NKAIN2: variants seen among roughly 807,000 people sequenced by gnomAD.
NKAIN2 encodes the protein sodium/potassium transporting ATPase interacting 2.
A neutral mutation model predicts 32.6 loss-of-function variants in NKAIN2; 14 were observed. The observed-to-expected ratio is 0.43, with a 90% CI of 0.28 to 0.67. NKAIN2 has a LOEUF of 0.67. NKAIN2 is among the 30% of genes least tolerant of loss of function. The pLI is 0.17. For synonymous variants in NKAIN2, 80 were observed against 87.2 expected (o/e 0.92, Z 0.46); for missense variants, 198 against 258.3 (o/e 0.77, Z 1.60).
chr6:124,192,741 GTTTTTTTTTTTTTTTT>G (rs1205303294), intron 1 of NKAIN2, among the ~76,000 whole-genome samples: 1 of 77,198 alleles, frequency 1.3e-5, no homozygotes, highest in Admixed American at 1.5e-4. Context: ...AGTTCCATCC[GTTTTTTTTTTTTTTTT>G]TTTTTTTTTT....
intron 4 of NKAIN2, among the ~76,000 whole-genome samples, chr6:124,763,654 T>C (rs1159569871): frequency 1.3e-5 from 2 of 152,134 alleles, no homozygotes; most frequent in African/African-American, 4.8e-5. Context: ...TAAAGGGTTG[T>C]TTACTTGACA....
At chr6:124,392,492 G>A (rs1773185019) in intron 3 of NKAIN2, among the ~76,000 whole-genome samples, 1 of 152,030 alleles carries the variant, frequency 6.6e-6, no homozygotes, top group Non-Finnish European at 1.5e-5. Flanking sequence ...AATATCAGAT[G>A]AGGACTTTTC....
chr6:124,643,260 A>G (rs538450315), intron 3 of NKAIN2, among the ~76,000 whole-genome samples: 56 of 152,166 alleles, frequency 3.7e-4, no homozygotes, highest in Non-Finnish European at 7.2e-4. Flanking sequence ...ATGCTATTCT[A>G]TACTACTACT....
chr6:124,123,600 C>A (rs1181952182), intron 1 of NKAIN2, among the ~76,000 whole-genome samples: 1 of 152,002 alleles, frequency 6.6e-6, no homozygotes, highest in East Asian at 1.9e-4. Flanking sequence ...TATCAGTCAT[C>A]TAGTGATTGA....
At chr6:124,348,987 G>A (rs1020451807) in intron 2 of NKAIN2, among the ~76,000 whole-genome samples, 19 of 152,238 alleles carry the variant, frequency 1.2e-4, no homozygotes, top group Admixed American at 4.6e-4. Context: ...AGGGAGTCTC[G>A]CTGATTGCTA....
chr6:124,403,551 A>C (rs1773719567), intron 3 of NKAIN2, among the ~76,000 whole-genome samples: 2 of 152,160 alleles, frequency 1.3e-5, no homozygotes, highest in African/African-American at 4.8e-5. Context: ...TTGTAGTGGC[A>C]ATGATTATAT....
chr6:123,939,046 A>G (rs1776693487), intron 1 of NKAIN2, among the ~76,000 whole-genome samples: 3 of 152,004 alleles, frequency 2.0e-5, no homozygotes, highest in African/African-American at 7.2e-5. Flanking sequence ...GTTGATTTTC[A>G]GAACAGATTA....
At chr6:124,618,060 C>T (rs1280441425) in intron 3 of NKAIN2, among the ~76,000 whole-genome samples, 1 of 152,182 alleles carries the variant, frequency 6.6e-6, no homozygotes, top group Non-Finnish European at 1.5e-5. Flanking sequence ...TAATACAATG[C>T]AATTTCTGTG....
intron 1 of NKAIN2, among the ~76,000 whole-genome samples, chr6:124,266,241 T>G (rs1202647469): frequency 6.6e-6 from 1 of 152,186 alleles, no homozygotes; most frequent in Non-Finnish European, 1.5e-5. Context: ...AATTTATCTG[T>G]TAGGTCAAAC....
chr6:124,753,993 G>A (rs1483746473), intron 4 of NKAIN2, among the ~76,000 whole-genome samples: 2 of 152,068 alleles, frequency 1.3e-5, no homozygotes, highest in Admixed American at 6.6e-5. Flanking sequence ...GATGAATTAC[G>A]TAGAACAATC....
chr6:124,544,835 T>TA (rs1780036844), intron 3 of NKAIN2, among the ~76,000 whole-genome samples: 1 of 152,172 alleles, frequency 6.6e-6, no homozygotes, highest in Non-Finnish European at 1.5e-5. Flanking sequence ...CCTAACTTTT[T>TA]AAAAAATGCA....
intron 1 of NKAIN2, among the ~76,000 whole-genome samples, chr6:124,202,934 T>C (rs375541146): frequency 3.3e-5 from 5 of 152,078 alleles, no homozygotes; most frequent in South Asian, 4.1e-4. Flanking sequence ...TGTAATATTG[T>C]GTACTCACTA....
At chr6:124,125,007 A>T (rs1189712268) in intron 1 of NKAIN2, among the ~76,000 whole-genome samples, 2 of 152,182 alleles carry the variant, frequency 1.3e-5, no homozygotes, top group East Asian at 3.8e-4. Context: ...ATTATTTTCA[A>T]TTTGATTGAC....
At chr6:123,859,020 A>C (rs1035158812) in intron 1 of NKAIN2, among the ~76,000 whole-genome samples, 1 of 152,174 alleles carries the variant, frequency 6.6e-6, no homozygotes, top group Admixed American at 6.5e-5. Context: ...TATAACTTAA[A>C]CATATATATG....
chr6:124,012,503 T>C (rs1432250454), intron 1 of NKAIN2, among the ~76,000 whole-genome samples: 1 of 151,868 alleles, frequency 6.6e-6, no homozygotes, highest in Non-Finnish European at 1.5e-5. Context: ...GCCTGGCTAA[T>C]TTTTGTATTT....
chr6:124,742,704 G>A (rs1777277225), intron 4 of NKAIN2, among the ~76,000 whole-genome samples: 1 of 151,618 alleles, frequency 6.6e-6, no homozygotes, highest in Non-Finnish European at 1.5e-5. Flanking sequence ...GTGTTCTCAG[G>A]AAACATCCCC....
chr6:123,882,259 A>T (rs201913842), intron 1 of NKAIN2, among the ~76,000 whole-genome samples: 2 of 152,042 alleles, frequency 1.3e-5, no homozygotes, highest in East Asian at 1.9e-4. Flanking sequence ...ACATTCAGGG[A>T]CTTTGGCCAT....
intron 1 of NKAIN2, among the ~76,000 whole-genome samples, chr6:123,820,671 C>T (rs991900617): frequency 1.6e-4 from 24 of 152,260 alleles, no homozygotes; most frequent in Middle Eastern, 3.4e-3. Context: ...GTGGAGATCA[C>T]AGGTTTACCA....
chr6:124,445,676 G>A (rs1329199910), intron 3 of NKAIN2, among the ~76,000 whole-genome samples: 1 of 151,966 alleles, frequency 6.6e-6, no homozygotes, highest in African/African-American at 2.4e-5. Context: ...TATAATAAAT[G>A]CTGAAGGAAG....
Sources: gnomAD v4.1 joint callset for allele counts (sites outside exome capture counted in the v4.1 genomes callset) on GRCh38, gnomAD v4.1.1 for gene constraint, MANE v1.5 for transcripts, NCBI Gene and HGNC (gene_info 2026-07-23, HGNC 2026-07-21) for gene names.